Variants in STXBP6 observed in about 807,000 individuals in gnomAD.
STXBP6 encodes syntaxin-binding protein 6.
A neutral mutation model predicts 26.9 loss-of-function variants in STXBP6; 21 were observed. That is an observed-to-expected ratio of 0.78 (90% CI 0.55 to 1.12). The LOEUF is 1.12. Ranked by LOEUF, STXBP6 falls within the 50% of genes most tolerant of loss-of-function variation. The pLI, the probability that STXBP6 is intolerant of heterozygous loss-of-function variation, is 0.00. For missense variants in STXBP6, 232 were observed against 257.9 expected, an observed-to-expected ratio of 0.90 and a Z score of 0.69; for synonymous variants, 97 against 92.6, an observed-to-expected ratio of 1.05 and a Z score of -0.27.
At chr14:24,820,883 C>T (rs2068114877) in intron 4 of STXBP6, among the ~76,000 whole-genome samples, 1 of 152,148 alleles carries the variant, frequency 6.6e-6, no homozygotes, top group Admixed American at 6.6e-5. Context: ...TTGTTCTTTG[C>T]AGATATGGTG....
intron 1 of STXBP6, among the ~76,000 whole-genome samples, chr14:25,013,713 T>C (rs1319655428): frequency 6.7e-6 from 1 of 150,272 alleles, no homozygotes; most frequent in Non-Finnish European, 1.5e-5. Flanking sequence ...TGGGAAAAAT[T>C]TACAGAATAA....
chr14:24,971,416 T>C (rs2073902907), intron 2 of STXBP6, among the ~76,000 whole-genome samples: 1 of 152,222 alleles, frequency 6.6e-6, no homozygotes, highest in Admixed American at 6.5e-5. Context: ...TGGACAAAGT[T>C]TGCCAGTTCA....
chr14:24,863,401 G>T (rs1004795972), intron 2 of STXBP6, among the ~76,000 whole-genome samples: 1 of 152,140 alleles, frequency 6.6e-6, no homozygotes, highest in Non-Finnish European at 1.5e-5. Context: ...ACAAAAGGAA[G>T]AACAGTTCCT....
At chr14:25,017,863 T>C (rs1310456666) in intron 1 of STXBP6, among the ~76,000 whole-genome samples, 1 of 144,168 alleles carries the variant, frequency 6.9e-6, no homozygotes, top group Non-Finnish European at 1.5e-5. Flanking sequence ...TGAGGCTCAA[T>C]TGCCTCACCC....
intron 2 of STXBP6, among the ~76,000 whole-genome samples, chr14:24,905,336 A>G (rs531206698): frequency 6.6e-6 from 1 of 152,340 alleles, no homozygotes; most frequent in South Asian, 2.1e-4. Flanking sequence ...TCAGTAAAAT[A>G]GGCTTGTAAT....
intron 2 of STXBP6, among the ~76,000 whole-genome samples, chr14:24,964,372 G>C (rs1365997919): frequency 6.6e-6 from 1 of 152,178 alleles, no homozygotes; most frequent in Admixed American, 6.5e-5. Flanking sequence ...GTATTGGACA[G>C]CTTGGCAACC....
chr14:25,000,527 G>C (rs2074733471), intron 1 of STXBP6, among the ~76,000 whole-genome samples: 1 of 151,232 alleles, frequency 6.6e-6, no homozygotes, highest in African/African-American at 2.4e-5. Context: ...GTCCCATTCT[G>C]CCCCTAGGCT....
intron 2 of STXBP6, among the ~76,000 whole-genome samples, chr14:24,893,295 A>G (rs1448271003): frequency 6.6e-6 from 1 of 152,256 alleles, no homozygotes; most frequent in Non-Finnish European, 1.5e-5. Flanking sequence ...AGTATTCTGC[A>G]TATATTAACT....
chr14:25,021,224 C>CT (rs1446663413), intron 1 of STXBP6, among the ~76,000 whole-genome samples: 7 of 152,188 alleles, frequency 4.6e-5, no homozygotes, highest in African/African-American at 1.4e-4. Context: ...ATCTTGTTCT[C>CT]TCCTTTCATC....
intron 2 of STXBP6, among the ~76,000 whole-genome samples, chr14:24,915,984 T>G (rs1368595659): frequency 6.6e-6 from 1 of 152,154 alleles, no homozygotes; most frequent in Non-Finnish European, 1.5e-5. Flanking sequence ...AATCATGGTA[T>G]TTTAACTTGA....
At chr14:24,890,490 C>T (rs2614511) in intron 2 of STXBP6, among the ~76,000 whole-genome samples, 55,446 of 151,614 alleles carry the variant, frequency 0.37, 10,328 homozygotes, top group East Asian at 0.43. Flanking sequence ...TTCAAGAAAA[C>T]TAAAAAAAAA....
intron 2 of STXBP6, 62 bp from the exon 3 acceptor site, chr14:24,857,219 A>C: frequency 6.2e-7 from 1 of 1,606,322 alleles, no homozygotes; most frequent in Non-Finnish European, 8.5e-7. Context: ...TTCCACATTC[A>C]GTGCTGTTTC....
At chr14:24,833,892 AT>A (rs2068533824) in intron 4 of STXBP6, among the ~76,000 whole-genome samples, 1 of 152,212 alleles carries the variant, frequency 6.6e-6, no homozygotes, top group Non-Finnish European at 1.5e-5. Context: ...ACCAAAACAG[AT>A]TTTGGTTCTT....
intron 1 of STXBP6, among the ~76,000 whole-genome samples, chr14:25,001,471 T>C (rs191944882): frequency 2.6e-5 from 4 of 152,190 alleles, no homozygotes; most frequent in East Asian, 3.9e-4. Flanking sequence ...AGAATAGGGG[T>C]TGGTTGCCAG....
intron 1 of STXBP6, among the ~76,000 whole-genome samples, chr14:25,010,851 T>A (rs1200637626): frequency 1.3e-5 from 2 of 152,114 alleles, no homozygotes; most frequent in East Asian, 3.8e-4. Flanking sequence ...ACAAGACCAA[T>A]GGTGGTGGTG....
intron 1 of STXBP6, among the ~76,000 whole-genome samples, chr14:24,994,093 G>A (rs976671580): frequency 5.3e-5 from 8 of 152,054 alleles, no homozygotes; most frequent in African/African-American, 1.9e-4. Flanking sequence ...ATCACCTCAG[G>A]TAGTATCTGA....
At chr14:24,884,402 G>A (rs181846341) in intron 2 of STXBP6, among the ~76,000 whole-genome samples, 118 of 152,264 alleles carry the variant, frequency 7.7e-4, no homozygotes, top group Non-Finnish European at 1.4e-3. Flanking sequence ...CTCCATTTCT[G>A]AATCAACAAA....
chr14:25,027,047 C>G (rs1348641628), intron 1 of STXBP6, among the ~76,000 whole-genome samples: 1 of 152,126 alleles, frequency 6.6e-6, no homozygotes, highest in Admixed American at 6.6e-5. Context: ...ATTGCGGGGA[C>G]AGAAATGTAC....
At chr14:24,839,526 C>G (rs1050276297) in intron 4 of STXBP6, among the ~76,000 whole-genome samples, 5 of 152,008 alleles carry the variant, frequency 3.3e-5, no homozygotes, top group African/African-American at 4.8e-5. Flanking sequence ...AAAATTTAGT[C>G]AAATTTGATT....
Sources: gnomAD v4.1 joint callset for allele counts (sites outside exome capture counted in the v4.1 genomes callset) on GRCh38, gnomAD v4.1.1 for gene constraint, MANE v1.5 for transcripts, NCBI Gene and HGNC (gene_info 2026-07-23, HGNC 2026-07-21) for gene names.